The following PSTPIP2 variants were observed in gnomAD, a reference collection of about 807,000 sequenced individuals.
The protein encoded by PSTPIP2 is proline-serine-threonine phosphatase-interacting protein 2.
A neutral mutation model predicts 63.3 loss-of-function variants in PSTPIP2; 33 were observed. That is an observed-to-expected ratio of 0.52 (90% CI 0.40 to 0.70). The LOEUF is 0.70. PSTPIP2 is among the 30% of genes least tolerant of loss of function. PSTPIP2 has a pLI of 0.00. For missense variants in PSTPIP2, 312 were observed against 400.7 expected (o/e 0.78, Z 1.89); for synonymous variants, 125 against 132.7 (o/e 0.94, Z 0.40).
At chr18:46,041,908 A>G (rs1165307338) in intron 1 of PSTPIP2, among the ~76,000 whole-genome samples, 4 of 152,124 alleles carry the variant, frequency 2.6e-5, no homozygotes, top group African/African-American at 9.7e-5. Flanking sequence ...GTAGCTCTGT[A>G]TGGGATAAGG....
In PSTPIP2 at chr18:45,993,587, T is replaced by G; in HGVS notation, c.741+18A>C. ...CCAACATGCACACGACAATCCTCAG[T>G]GGATGCCTCTGACTTACTTCATCAC... is the stretch of plus-strand genomic sequence containing the variant. On this transcript the variant is annotated intron_variant, in intron 10 of 14. Coordinates refer to ENST00000409746, the MANE Select transcript of PSTPIP2 (RefSeq NM_024430.4). The G allele has an allele frequency of 6.3e-7, 1 of 1,590,468 alleles. No individual in the cohort carries two copies. The highest frequency in any genetic ancestry group is 8.6e-7 in the Non-Finnish European group (1 of 1,158,538).
chr18:45,985,647 C>A (rs2051459462), intron 14 of PSTPIP2, among the ~76,000 whole-genome samples, 197 bp from the exon 15 acceptor site: 1 of 152,148 alleles, frequency 6.6e-6, no homozygotes, highest in African/African-American at 2.4e-5. Flanking sequence ...CATACATTTA[C>A]ATTTTTATAC....
At chr18:45,998,667 C>T (rs1010247664) in intron 8 of PSTPIP2, 127 bp downstream of exon 8, 3 of 958,212 alleles carry the variant, frequency 3.1e-6, no homozygotes, top group Non-Finnish European at 3.1e-6. Flanking sequence ...AGATATCTCA[C>T]TAATCCTGCT....
intron 6 of PSTPIP2, among the ~76,000 whole-genome samples, chr18:46,002,604 T>C (rs577168635): frequency 6.6e-6 from 1 of 152,336 alleles, no homozygotes; most frequent in African/African-American, 2.4e-5. Context: ...TTATATCTTC[T>C]ATTTCTTTGC....
At chr18:46,004,137 A>C (rs1321845883) in intron 6 of PSTPIP2, among the ~76,000 whole-genome samples, 1 of 152,230 alleles carries the variant, frequency 6.6e-6, no homozygotes, top group Non-Finnish European at 1.5e-5. Flanking sequence ...TAAAATATAA[A>C]AGGTCTGGGA....
chr18:46,071,674 G>A (rs117948027), intron 1 of PSTPIP2, among the ~76,000 whole-genome samples: 3,402 of 152,278 alleles, frequency 0.022, 63 homozygotes, highest in Non-Finnish European at 0.031. Flanking sequence ...CTGTCAACCC[G>A]GTAAAGCTCA....
In PSTPIP2 at chr18:46,033,508, G is replaced by C. The variant is rs529227233; in HGVS notation, c.134+6439C>G. The stretch of plus-strand genomic sequence containing the variant: ...AGGTGAGGAGTTCAAGACCAGCCTG[G>C]TCAACATGGTGAAACCCGGTCTCTA... On this transcript the variant is annotated intron_variant, in intron 2 of 14. Coordinates refer to ENST00000409746, the MANE Select transcript of PSTPIP2 (RefSeq NM_024430.4). Among the ~76,000 whole-genome samples, 332 of 152,188 alleles carry C rather than the reference G, an allele frequency of 2.2e-3. 1 individual carries two copies. Among genetic ancestry groups the C allele is most frequent in the Non-Finnish European group, 3.9e-3 (265 of 67,998 alleles).
At chr18:46,068,807 T>C (rs1909288209) in intron 1 of PSTPIP2, among the ~76,000 whole-genome samples, 1 of 152,054 alleles carries the variant, frequency 6.6e-6, no homozygotes, top group Non-Finnish European at 1.5e-5. Flanking sequence ...GAGATGACTG[T>C]ATAGAGAAAA....
intron 1 of PSTPIP2, among the ~76,000 whole-genome samples, chr18:46,056,111 C>A (rs2144126588): frequency 2.0e-5 from 3 of 152,340 alleles, no homozygotes; most frequent in Middle Eastern, 6.8e-3. Flanking sequence ...GCTCCACAGC[C>A]CTGCAGGGGC....
intron 5 of PSTPIP2, chr18:46,010,946 G>A (rs189465406): frequency 5.9e-5 from 27 of 455,798 alleles, no homozygotes; most frequent in African/African-American, 5.2e-4. Flanking sequence ...ACCTGAAGAG[G>A]AATGCAAGCT....
At chr18:46,032,506 C>A (rs1164733404) in intron 2 of PSTPIP2, among the ~76,000 whole-genome samples, 2 of 152,042 alleles carry the variant, frequency 1.3e-5, no homozygotes, top group Non-Finnish European at 2.9e-5. Flanking sequence ...GTAATCCCAG[C>A]ACTTTGGGAG....
chr18:46,007,737 C>T (rs962269085), intron 5 of PSTPIP2, among the ~76,000 whole-genome samples: 12 of 152,226 alleles, frequency 7.9e-5, no homozygotes, highest in Admixed American at 7.9e-4. Context: ...AAACACCTCT[C>T]AGGTGGCTGC....
chr18:46,032,988 A>G (rs1014757681), intron 2 of PSTPIP2, among the ~76,000 whole-genome samples: 5 of 152,338 alleles, frequency 3.3e-5, no homozygotes, highest in South Asian at 2.1e-4. Flanking sequence ...TGTATATGCC[A>G]TTCACAGCAC....
At chr18:46,024,837 T>C in intron 2 of PSTPIP2, 151 bp from the exon 3 acceptor site, 2 of 640,664 alleles carry the variant, frequency 3.1e-6, no homozygotes, top group East Asian at 2.7e-5. Flanking sequence ...TCCCTCTGTA[T>C]GATAGGGAAC....
chr18:46,025,131 T>C (rs1231322110), intron 2 of PSTPIP2, among the ~76,000 whole-genome samples: 2 of 152,150 alleles, frequency 1.3e-5, no homozygotes, highest in African/African-American at 2.4e-5. Context: ...TGATTGTTAC[T>C]CAGCATTGCA....
At chr18:46,039,369 C>G (rs1214210143) in intron 2 of PSTPIP2, among the ~76,000 whole-genome samples, 2 of 152,298 alleles carry the variant, frequency 1.3e-5, no homozygotes, top group South Asian at 4.1e-4. Context: ...AGCTTTCCCA[C>G]AGCTCCTCAT....
At chr18:46,049,835 A>G (rs1028045467) in intron 1 of PSTPIP2, among the ~76,000 whole-genome samples, 2 of 152,164 alleles carry the variant, frequency 1.3e-5, no homozygotes, top group African/African-American at 2.4e-5. Flanking sequence ...AGCTGAGATC[A>G]CGCCACGGCA....
intron 1 of PSTPIP2, among the ~76,000 whole-genome samples, chr18:46,056,063 C>T (rs149978565): frequency 1.5e-4 from 23 of 152,318 alleles, no homozygotes; most frequent in African/African-American, 5.5e-4. Context: ...AACTTGCCCT[C>T]TCCCTTCTCT....
Position 46,072,234 on chromosome 18 carries a change from A to G in PSTPIP2, c.-46T>C, listed in dbSNP as rs763596371. ...GGAGGAGAGCCGGGCCGCAGGTAGC[A>G]CAGAGCGGGGAGGCCTGACTGCCAC... On this transcript the variant is annotated 5_prime_UTR_variant, in exon 1 of 15. Coordinates refer to ENST00000409746, the MANE Select transcript of PSTPIP2 (RefSeq NM_024430.4). 1.3e-6 allele frequency: 2 copies of G among 1,526,346 alleles called. No homozygotes were observed. Among genetic ancestry groups the G allele is most frequent in the Non-Finnish European group, 1.8e-6 (2 of 1,136,944 alleles). 94.6% of individuals were successfully genotyped at this position (1,526,346 alleles called of 1,614,324 possible). A position where few individuals can be genotyped will look rare whatever the true frequency, so the allele number is the denominator to read the frequency against.
Sources: allele counts gnomAD v4.1 joint callset (sites outside exome capture counted in the v4.1 genomes callset), GRCh38; gene constraint gnomAD v4.1.1; transcripts MANE v1.5; gene names NCBI Gene and HGNC (gene_info 2026-07-23, HGNC 2026-07-21).